ZFYVE26: variants seen among roughly 807,000 people sequenced by gnomAD.
ZFYVE26 encodes zinc finger FYVE domain-containing protein 26.
ZFYVE26 carries 181 observed loss-of-function variants against 276.5 expected under a neutral mutation model. The observed-to-expected ratio is 0.65, with a 90% confidence interval of 0.58 to 0.74. ZFYVE26 has a LOEUF of 0.74. Among genes scored for constraint, ZFYVE26 ranks in the 30% least tolerant of loss-of-function variants. The pLI is 0.00. For missense variants in ZFYVE26, 2,821 were observed against 3,097.9 expected, an observed-to-expected ratio of 0.91 and a Z score of 2.12; for synonymous variants, 1,129 against 1,203.1, an observed-to-expected ratio of 0.94 and a Z score of 1.27.
At chr14:67,766,693 C>T (rs999294033) in intron 31 of ZFYVE26, among the ~76,000 whole-genome samples, 4 of 152,112 alleles carry the variant, frequency 2.6e-5, no homozygotes, top group African/African-American at 9.7e-5. Flanking sequence ...CTGTGTCCAC[C>T]TCTTACCCAC....
Position 67,790,588 on chromosome 14 carries a change from G to A in ZFYVE26, c.2739C>T (p.Gly913=). 6.2e-7 allele frequency: 1 copy of A among 1,613,716 alleles called. No homozygotes were observed. The highest frequency in any genetic ancestry group is 8.5e-7 in the Non-Finnish European group (1 of 1,179,944). Residue 913 remains glycine, a synonymous_variant, in exon 15 of 42, where the codon GGC becomes GGT. Coordinates refer to ENST00000347230, the MANE Select transcript of ZFYVE26 (RefSeq NM_015346.4). ...AAGCCTGACCTGCTGCTGCAGCGCT[G>A]CCAATGGCCTGTAGAGTTGAGCGGC... ...GSGRSTLQAI[G]SAAAAGMVFY...
chr14:67,751,172 A>C, intron 40 of ZFYVE26, 76 bp from the exon 41 acceptor site: 2 of 1,539,760 alleles, frequency 1.3e-6, no homozygotes, highest in South Asian at 1.1e-5. Context: ...ACCCAGCCTC[A>C]GCCCAGCCAT....
In ZFYVE26 at chr14:67,782,726, G is replaced by C. The variant is rs1014913680; in HGVS notation, c.4372+54C>G. ...AGGATTAAATGTGATAATATACCCA[G>C]TGAATACCAAATATTACCACTAGTG... On this transcript the variant is annotated intron_variant, in intron 21 of 41. Coordinates refer to ENST00000347230, the MANE Select transcript of ZFYVE26 (RefSeq NM_015346.4). 2.5e-6 allele frequency: 4 copies of C among 1,608,190 alleles called. No homozygotes were observed. The African/African-American group carries it at 5.3e-5, about 21-fold the overall frequency.
downstream of ZFYVE26, among the ~76,000 whole-genome samples, chr14:67,743,119 G>A (rs1404466547): frequency 2.0e-5 from 3 of 152,004 alleles, no homozygotes; most frequent in Admixed American, 2.0e-4. Flanking sequence ...TTATAGGCAT[G>A]AGCCACTGTG....
intron 10 of ZFYVE26, chr14:67,799,350 A>G: frequency 6.2e-7 from 1 of 1,610,708 alleles, no homozygotes; most frequent in Non-Finnish European, 8.5e-7. Context: ...GTGCAATCCT[A>G]TAAGGCCTTT....
intron 14 of ZFYVE26, among the ~76,000 whole-genome samples, chr14:67,792,287 T>G (rs1236439772): frequency 2.0e-5 from 3 of 152,142 alleles, no homozygotes; most frequent in Non-Finnish European, 2.9e-5. Flanking sequence ...ACCAAATACT[T>G]TACTACCAGT....
rs1437098879 is a variant in ZFYVE26 at position 67,794,296 on chromosome 14, A to G, written c.2333-57T>C. The G allele has an allele frequency of 1.9e-6, 3 of 1,565,770 alleles. No homozygotes were observed. In the African/African-American group the frequency reaches 4.1e-5, roughly 21 times the overall value. ...ATTATCAGCTCCTTATAGAGTAGGA[A>G]GTGTGAAGTTGGCTTGACAGCCAAG... is the stretch of plus-strand genomic sequence containing the variant. On this transcript the variant is annotated intron_variant, in intron 12 of 41. Transcript: ENST00000347230.
intron 13 of ZFYVE26, among the ~76,000 whole-genome samples, chr14:67,736,692 T>C (rs12886140): frequency 0.11 from 17,146 of 152,258 alleles, 1,356 homozygotes; most frequent in South Asian, 0.34. Context: ...GTGAACATAT[T>C]TGAAATTGTT....
chr14:67,807,582 A>G lies in ZFYVE26; in HGVS notation c.702T>C (p.Val234=), dbSNP rs2040209483. Residue 234 remains valine (V), a synonymous_variant, in exon 5 of 42, where the codon GTT becomes GTC. Transcript: ENST00000347230. The part of the protein sequence containing the change: ...TLRCPAEPLG[V]ELHLLCEELL... ...GTTCCTCACACAGGAGATGCAACTC[A>G]ACCCCAAGTGGTTCTGCGGGGCAAC... 1 of 1,614,192 alleles carries G rather than the reference A, an allele frequency of 6.2e-7. No homozygotes were observed. The highest frequency in any genetic ancestry group is 8.5e-7 in the Non-Finnish European group (1 of 1,180,026).
At chr14:67,801,079 C>A (rs754796843) in intron 10 of ZFYVE26, among the ~76,000 whole-genome samples, 3 of 152,002 alleles carry the variant, frequency 2.0e-5, no homozygotes, top group Non-Finnish European at 4.4e-5. Context: ...TGGTGAAACA[C>A]CATCTCTACT....
At chr14:67,745,811 A>C (rs1269192261), downstream of ZFYVE26, among the ~76,000 whole-genome samples, 1 of 151,784 alleles carries the variant, frequency 6.6e-6, no homozygotes, top group Non-Finnish European at 1.5e-5. Flanking sequence ...GGATTGCTTA[A>C]GCCCAGAAGT....
chr14:67,731,365 C>A (rs2038272764), intron 13 of ZFYVE26, among the ~76,000 whole-genome samples: 1 of 151,794 alleles, frequency 6.6e-6, no homozygotes, highest in Non-Finnish European at 1.5e-5. Context: ...CAGGTGCATG[C>A]CACGACGCCC....
chr14:67,775,150 T>A, intron 26 of ZFYVE26, 36 bp from the exon 27 acceptor site: 19 of 1,415,708 alleles, frequency 1.3e-5, no homozygotes, highest in Non-Finnish European at 1.9e-5. Context: ...AATATGGTTC[T>A]ACCATAAGTA....
chr14:67,809,768 T>C (rs1682724940), intron 3 of ZFYVE26, among the ~76,000 whole-genome samples: 1 of 140,286 alleles, frequency 7.1e-6, no homozygotes. Flanking sequence ...ATGTTTTCAG[T>C]ACTATTCTTT....
At chr14:67,764,758 A>G (rs924315376) in intron 32 of ZFYVE26, among the ~76,000 whole-genome samples, 2 of 152,146 alleles carry the variant, frequency 1.3e-5, no homozygotes, top group Non-Finnish European at 2.9e-5. Context: ...CATTGCTGTA[A>G]ACTGTCAAAG....
chr14:67,753,507 T>C (rs1363888888), intron 39 of ZFYVE26, among the ~76,000 whole-genome samples, 200 bp downstream of exon 39: 1 of 152,238 alleles, frequency 6.6e-6, no homozygotes, highest in Non-Finnish European at 1.5e-5. Context: ...GAATTTGTCA[T>C]GGGTTACTTG....
At chr14:67,730,842 G>C (rs1034628082) in intron 13 of ZFYVE26, among the ~76,000 whole-genome samples, 2 of 152,150 alleles carry the variant, frequency 1.3e-5, no homozygotes, top group African/African-American at 4.8e-5. Context: ...GACGTCAGTT[G>C]ATCCACCTGC....
chr14:67,805,141 T>C (rs1245195010), intron 8 of ZFYVE26, 76 bp downstream of exon 8: 1 of 1,446,370 alleles, frequency 6.9e-7, no homozygotes, highest in African/African-American at 1.4e-5. Context: ...GAAAACGCCT[T>C]GAAATGGCCA....
chr14:67,767,224 C>T (rs904923615), intron 31 of ZFYVE26, among the ~76,000 whole-genome samples: 6 of 152,118 alleles, frequency 3.9e-5, no homozygotes, highest in African/African-American at 1.4e-4. Flanking sequence ...GTAGATAGTC[C>T]TTACTGCAGA....
Sources: gnomAD v4.1 joint callset for allele counts (sites outside exome capture counted in the v4.1 genomes callset) on GRCh38, gnomAD v4.1.1 for gene constraint, MANE v1.5 for transcripts, NCBI Gene and HGNC (gene_info 2026-07-23, HGNC 2026-07-21) for gene names.